The following ZNF169 variants were observed in gnomAD, a reference collection of about 807,000 sequenced individuals.
ZNF169 encodes zinc finger protein 169.
In ZNF169, 11 loss-of-function variants were observed where a neutral mutation model predicts 12.0. The ratio of observed to expected loss-of-function variants is 0.92; its 90% CI spans 0.58 to 1.52. The LOEUF is 1.52. Ranked by LOEUF, ZNF169 falls within the 40% of genes most tolerant of loss-of-function variation. ZNF169 has a pLI of 0.00. For synonymous variants in ZNF169, 302 were observed against 286.5 expected (o/e 1.05, Z -0.55); for missense variants, 722 against 744.0 (o/e 0.97, Z 0.34).
intron 1 of ZNF169, among the ~76,000 whole-genome samples, chr9:94,261,244 C>T (rs370736771): frequency 7.9e-5 from 12 of 152,022 alleles, no homozygotes; most frequent in Non-Finnish European, 8.8e-5. Context: ...AGGATGGTCT[C>T]GATCTCCCGA....
chr9:94,301,355 C>T lies in ZNF169; in HGVS notation c.1797C>T (p.Pro599=), dbSNP rs1831075046. 1 of 1,610,422 alleles carries T rather than the reference C, an allele frequency of 6.2e-7. No individual in the cohort carries two copies. Among genetic ancestry groups the T allele is most frequent in the Non-Finnish European group, 8.5e-7 (1 of 1,177,542 alleles). ...CCAAGTCTGGTCATCAGCTCCTACC[C>T]CAAGAGGTCTTCTGACCTTTCCTTT... ...RRTKSGHQLL[P]QEVF The change falls in exon 5 of 5, where the codon CCC becomes CCT. Residue 599 remains proline, a synonymous_variant. Coordinates refer to ENST00000395395, the MANE Select transcript of ZNF169 (RefSeq NM_194320.4).
In ZNF169 at chr9:94,300,801, G is replaced by T; in HGVS notation, c.1243G>T (p.Val415Phe). The T allele has an allele frequency of 6.2e-7, 1 of 1,612,882 alleles. No homozygotes were observed. Among genetic ancestry groups the T allele is most frequent in the Non-Finnish European group, 8.5e-7 (1 of 1,179,686 alleles). ...GTGTGGGCACAGCTTTCGCCAAAAG[G>T]TCACTCTCATCAGGCACCAGAGGAC... is the stretch of plus-strand genomic sequence containing the variant. ...AECGHSFRQKVTLIRHQRTHT... is the reference protein window; with the variant it reads ...AECGHSFRQKFTLIRHQRTHT... The change falls in exon 5 of 5, where the codon GTC becomes TTC. Residue 415 changes from valine to phenylalanine, a missense_variant. Transcript: ENST00000395395.
intron 1 of ZNF169, among the ~76,000 whole-genome samples, chr9:94,259,571 C>A (rs1431326546): frequency 6.6e-6 from 1 of 152,184 alleles, no homozygotes; most frequent in Non-Finnish European, 1.5e-5. Context: ...TTGGCGTTGT[C>A]GCGTGCTTCT....
intron 1 of ZNF169, among the ~76,000 whole-genome samples, chr9:94,263,852 T>C (rs67171407): frequency 0.074 from 11,159 of 151,570 alleles, 559 homozygotes; most frequent in Middle Eastern, 0.12. Flanking sequence ...TTTTTTAGCA[T>C]TCTAATTTAA....
intron 2 of ZNF169, chr9:94,288,041 T>G (rs1830751912): frequency 1.3e-6 from 1 of 778,184 alleles, no homozygotes. Flanking sequence ...TGTAGCCAAC[T>G]ACACTGTTGC....
At chr9:94,290,522 T>A (rs1830808136) in intron 2 of ZNF169, among the ~76,000 whole-genome samples, 1 of 152,224 alleles carries the variant, frequency 6.6e-6, no homozygotes, top group South Asian at 2.1e-4. Flanking sequence ...CTGGCTTATG[T>A]CACTTGGCAT....
Position 94,299,863 on chromosome 9 carries a change from C to G in ZNF169, c.305C>G (p.Ser102Cys), listed in dbSNP as rs774548705. The change falls in exon 5 of 5, where the codon TCT becomes TGT. Residue 102 changes from serine to cysteine, a missense_variant. Coordinates refer to ENST00000395395, the MANE Select transcript of ZNF169 (RefSeq NM_194320.4). Reference protein sequence around the residue: ...QPSFPHLVAFSSSQLLRQYAL... With the variant: ...QPSFPHLVAFCSSQLLRQYAL... ...AGTTTTCCCCACCTGGTGGCCTTTTCTAGCTCGCAGCTCCTCAGACAATAT... is the reference window on the plus strand; with the variant it reads ...AGTTTTCCCCACCTGGTGGCCTTTTGTAGCTCGCAGCTCCTCAGACAATAT... 6 of 1,613,934 alleles carry G rather than the reference C, an allele frequency of 3.7e-6. No homozygotes were observed. In the African/African-American group the frequency reaches 5.3e-5, roughly 14 times the overall value.
chr9:94,288,231 A>G (rs2118629596), intron 2 of ZNF169: 4 of 813,480 alleles, frequency 4.9e-6, no homozygotes, highest in South Asian at 2.7e-5. Flanking sequence ...TTTTTCCCCC[A>G]GTGTTAGGTG....
intron 1 of ZNF169, among the ~76,000 whole-genome samples, chr9:94,274,816 T>C (rs1325085624): frequency 1.3e-5 from 2 of 152,210 alleles, no homozygotes; most frequent in Non-Finnish European, 2.9e-5. Context: ...GGCAAAATCA[T>C]CTGGCAACAT....
At position 94,300,143 on chromosome 9, in the gene ZNF169, G is replaced by A; in HGVS notation, c.585G>A (p.Gly195=). The A allele has an allele frequency of 6.2e-7, 1 of 1,614,174 alleles. No individual in the cohort carries two copies. Among genetic ancestry groups the A allele is most frequent in the East Asian group, 2.2e-5 (1 of 44,886 alleles). The part of the protein sequence containing the change: ...DLRLAQRMSL[G]GSDTMLKGAD... ...GCCTGGCCCAAAGGATGAGTCTTGG[G>A]GGGTCAGACACAATGTTGAAGGGAG... is the stretch of plus-strand genomic sequence containing the variant. Residue 195 remains glycine (G), a synonymous_variant, in exon 5 of 5, where the codon GGG becomes GGA. Transcript: ENST00000395395.
intron 4 of ZNF169, among the ~76,000 whole-genome samples, chr9:94,297,308 T>C (rs928827584): frequency 4.6e-5 from 7 of 152,224 alleles, no homozygotes; most frequent in African/African-American, 1.7e-4. Flanking sequence ...TTTGTCGGCA[T>C]TGTTTTGTCA....
intron 4 of ZNF169, among the ~76,000 whole-genome samples, chr9:94,297,782 T>G (rs903477471): frequency 6.6e-6 from 1 of 152,254 alleles, no homozygotes; most frequent in Admixed American, 6.5e-5. Context: ...AATTGTTCAC[T>G]TCTGTTCTGA....
At chr9:94,260,714 C>T (rs987244403) in intron 1 of ZNF169, among the ~76,000 whole-genome samples, 1 of 151,624 alleles carries the variant, frequency 6.6e-6, no homozygotes, top group Non-Finnish European at 1.5e-5. Flanking sequence ...GCCCATAGGG[C>T]CAAGGAACAT....
chr9:94,270,177 A>G (rs1292217356), intron 1 of ZNF169, among the ~76,000 whole-genome samples: 7 of 152,170 alleles, frequency 4.6e-5, no homozygotes, highest in Non-Finnish European at 1.0e-4. Context: ...ACTTAACCAC[A>G]CAGTCAGTAC....
intron 2 of ZNF169, among the ~76,000 whole-genome samples, chr9:94,286,937 C>T (rs1226297590): frequency 6.6e-6 from 1 of 152,176 alleles, no homozygotes; most frequent in Non-Finnish European, 1.5e-5. Context: ...GGGGTGGGAA[C>T]AGGTCATGAA....
rs767671033 is a variant in ZNF169 at position 94,292,336 on chromosome 9, T to TG, written c.34-5_34-4insG. ...TGAGTGAGCAGGGATGTGTTTGTGT[T>TG]ACAGGCATTGATGGCCTTCCGGGAT... On this transcript the variant is annotated splice_polypyrimidine_tract_variant and splice_region_variant and intron_variant, in intron 2 of 4. Coordinates refer to ENST00000395395, the MANE Select transcript of ZNF169 (RefSeq NM_194320.4). 3.1e-6 allele frequency: 5 copies of TG among 1,614,162 alleles called. No individual in the cohort carries two copies. The South Asian group carries it at 5.5e-5, about 18-fold the overall frequency.
At chr9:94,278,271 G>A (rs1488394840) in intron 1 of ZNF169, among the ~76,000 whole-genome samples, 2 of 152,114 alleles carry the variant, frequency 1.3e-5, no homozygotes, top group African/African-American at 2.4e-5. Flanking sequence ...GTGAGTGGAG[G>A]GAAGGGTGCA....
At chr9:94,282,449 C>T (rs1830656946) in intron 2 of ZNF169, among the ~76,000 whole-genome samples, 1 of 152,074 alleles carries the variant, frequency 6.6e-6, no homozygotes, top group Non-Finnish European at 1.5e-5. Flanking sequence ...TGAAGCAAGG[C>T]GGGGATGACT....
intron 1 of ZNF169, among the ~76,000 whole-genome samples, chr9:94,269,079 A>T (rs937720659): frequency 6.6e-5 from 10 of 151,684 alleles, no homozygotes; most frequent in East Asian, 1.9e-4. Context: ...AAAAAAAAAA[A>T]TTTTTCCTTC....
Sources: allele counts gnomAD v4.1 joint callset (sites outside exome capture counted in the v4.1 genomes callset), GRCh38; gene constraint gnomAD v4.1.1; transcripts MANE v1.5; gene names NCBI Gene and HGNC (gene_info 2026-07-23, HGNC 2026-07-21).